PTPRK: variants seen among roughly 807,000 people sequenced by gnomAD.
PTPRK encodes protein tyrosine phosphatase receptor type K, also known as receptor-type tyrosine-protein phosphatase kappa.
Under a neutral mutation model 178.0 loss-of-function variants are expected in PTPRK, and 75 were observed. The ratio of observed to expected loss-of-function variants is 0.42; its 90% CI spans 0.35 to 0.51. The LOEUF is 0.51. Among genes scored for constraint, PTPRK ranks in the 20% least tolerant of loss-of-function variants. The pLI is 0.02. For synonymous variants in PTPRK, 637 were observed against 620.6 expected, an observed-to-expected ratio of 1.03 and a Z score of -0.39; for missense variants, 1,441 against 1,797.8, an observed-to-expected ratio of 0.80 and a Z score of 3.59.
chr6:128,128,631 C>T (rs1247526750), intron 7 of PTPRK, among the ~76,000 whole-genome samples: 2 of 152,202 alleles, frequency 1.3e-5, no homozygotes, highest in Non-Finnish European at 2.9e-5. Context: ...TCTGGTGAAC[C>T]TCCTCTGGAT....
chr6:128,148,237 A>G (rs1796766704), intron 7 of PTPRK, among the ~76,000 whole-genome samples: 1 of 152,156 alleles, frequency 6.6e-6, no homozygotes, highest in Non-Finnish European at 1.5e-5. Context: ...ATTTGGTACC[A>G]GAAGGATGAG....
At chr6:128,245,590 A>G (rs1053718746) in intron 3 of PTPRK, among the ~76,000 whole-genome samples, 3 of 152,186 alleles carry the variant, frequency 2.0e-5, no homozygotes, top group Non-Finnish European at 4.4e-5. Flanking sequence ...AATTGATTTT[A>G]CTGGAATAAG....
At chr6:128,135,920 A>ATAAGATGT (rs1194902615) in intron 7 of PTPRK, among the ~76,000 whole-genome samples, 6 of 152,182 alleles carry the variant, frequency 3.9e-5, no homozygotes, top group Admixed American at 1.3e-4. Context: ...ATACCAATGA[A>ATAAGATGT]TAAGATGTTA....
At chr6:128,313,942 C>G (rs1827622429) in intron 3 of PTPRK, among the ~76,000 whole-genome samples, 1 of 152,144 alleles carries the variant, frequency 6.6e-6, no homozygotes, top group Non-Finnish European at 1.5e-5. Flanking sequence ...ATTCTTTCCT[C>G]AGATTGCAAA....
Position 128,494,236 on chromosome 6 carries a change from G to C in PTPRK, c.100+26023C>G, listed in dbSNP as rs142723801. Reference sequence around the variant, plus strand: ...AAAAAAAAAAAAAGTGTAGTTACTTGAACCTGCTAATTGATAAATTTTAAT... The same window carrying C: ...AAAAAAAAAAAAAGTGTAGTTACTTCAACCTGCTAATTGATAAATTTTAAT... On this transcript the variant is annotated intron_variant, in intron 1 of 29. Coordinates refer to ENST00000368226, the MANE Select transcript of PTPRK (RefSeq NM_002844.4). Among the ~76,000 whole-genome samples, 19 of 144,410 alleles carry C rather than the reference G, an allele frequency of 1.3e-4. No individual in the cohort carries two copies. The East Asian group carries it at 2.7e-3, about 20-fold the overall frequency. 94.7% of individuals were successfully genotyped at this position (144,410 alleles called of 152,430 possible).
chr6:127,995,928 T>G lies in PTPRK; in HGVS notation c.2768-390A>C, dbSNP rs1466999015. Among the ~76,000 whole-genome samples, 4 of 152,258 alleles carry G rather than the reference T, an allele frequency of 2.6e-5. No homozygotes were observed. In the East Asian group the frequency reaches 7.7e-4, roughly 29 times the overall value. ...GCAAATGAGCCACAGAATTAAAAAG[T>G]GAATTTTGAATTCCCGCTCTCAGTT... On this transcript the variant is annotated intron_variant, in intron 17 of 29. Transcript: ENST00000368226.
At chr6:128,402,997 A>C (rs1183407726) in intron 1 of PTPRK, among the ~76,000 whole-genome samples, 3 of 152,208 alleles carry the variant, frequency 2.0e-5, no homozygotes, top group African/African-American at 7.2e-5. Flanking sequence ...TCCTTCATTA[A>C]GGAAAAACAA....
intron 1 of PTPRK, among the ~76,000 whole-genome samples, chr6:128,407,001 G>A (rs1458924105): frequency 1.3e-5 from 2 of 152,192 alleles, no homozygotes; most frequent in East Asian, 3.9e-4. Context: ...AGGTTTGTGT[G>A]TGTGTGTTCA....
At chr6:128,059,251 G>C (rs539584833) in intron 13 of PTPRK, among the ~76,000 whole-genome samples, 1 of 152,076 alleles carries the variant, frequency 6.6e-6, no homozygotes, top group South Asian at 2.1e-4. Flanking sequence ...CACCAATATT[G>C]AATCTTCTAA....
At chr6:128,274,537 A>C (rs1820416190) in intron 3 of PTPRK, among the ~76,000 whole-genome samples, 1 of 152,134 alleles carries the variant, frequency 6.6e-6, no homozygotes, top group Admixed American at 6.6e-5. Context: ...TCATGAATTA[A>C]ATTTAAAATT....
Position 127,969,827 on chromosome 6 carries a change from C to T in PTPRK, c.*400G>A, listed in dbSNP as rs1773718952. The T allele has an allele frequency of 6.5e-6, 1 of 153,998 alleles. No homozygotes were observed. The highest frequency in any genetic ancestry group is 2.1e-4 in the South Asian group (1 of 4,850). 9.5% of individuals were successfully genotyped at this position (153,998 alleles called of 1,614,324 possible). Reference sequence around the variant, plus strand: ...TTGCACAGCTTTTCTTTTCTTCTTCCTTTTAAGATTCATCAGCTTTCATTT... The same window carrying T: ...TTGCACAGCTTTTCTTTTCTTCTTCTTTTTAAGATTCATCAGCTTTCATTT... On this transcript the variant is annotated 3_prime_UTR_variant, in exon 30 of 30. Transcript: ENST00000368226.
At chr6:128,135,097 C>T (rs1794828913) in intron 7 of PTPRK, among the ~76,000 whole-genome samples, 2 of 152,026 alleles carry the variant, frequency 1.3e-5, no homozygotes, top group African/African-American at 4.8e-5. Context: ...CACACACACA[C>T]ACACACACAC....
At chr6:128,278,850 A>T (rs1821224976) in intron 3 of PTPRK, among the ~76,000 whole-genome samples, 1 of 152,196 alleles carries the variant, frequency 6.6e-6, no homozygotes. Flanking sequence ...TGTATTAGAG[A>T]CAATGTTCAA....
At chr6:128,203,572 C>T (rs1246924516) in intron 6 of PTPRK, among the ~76,000 whole-genome samples, 2 of 152,316 alleles carry the variant, frequency 1.3e-5, no homozygotes, top group South Asian at 4.1e-4. Flanking sequence ...TAAGCAACTT[C>T]AGCAAAGTCT....
intron 3 of PTPRK, among the ~76,000 whole-genome samples, chr6:128,271,267 A>C (rs575622534): frequency 1.3e-5 from 2 of 152,232 alleles, no homozygotes; most frequent in African/African-American, 4.8e-5. Flanking sequence ...AAAGCAAAGG[A>C]AACATGGTAG....
intron 1 of PTPRK, among the ~76,000 whole-genome samples, chr6:128,437,229 T>C (rs1404604396): frequency 1.3e-5 from 2 of 152,166 alleles, no homozygotes; most frequent in African/African-American, 4.8e-5. Flanking sequence ...ATTCTTAGTT[T>C]GAGAATAGGT....
At chr6:128,004,365 G>A (rs1778186014) in intron 15 of PTPRK, among the ~76,000 whole-genome samples, 1 of 151,756 alleles carries the variant, frequency 6.6e-6, no homozygotes, top group Non-Finnish European at 1.5e-5. Context: ...TATGAAATTT[G>A]AAAATAAACA....
chr6:128,496,706 A>G (rs1237040241), intron 1 of PTPRK, among the ~76,000 whole-genome samples: 1 of 152,178 alleles, frequency 6.6e-6, no homozygotes, highest in Non-Finnish European at 1.5e-5. Context: ...AAGATTTATT[A>G]TCTTCTAAAC....
At chr6:128,195,833 A>G (rs1010737599) in intron 6 of PTPRK, among the ~76,000 whole-genome samples, 1 of 152,170 alleles carries the variant, frequency 6.6e-6, no homozygotes, top group Non-Finnish European at 1.5e-5. Flanking sequence ...ATATAGATCC[A>G]ACTAAGTTTT....
Sources: gnomAD v4.1 joint callset for allele counts (sites outside exome capture counted in the v4.1 genomes callset) on GRCh38, gnomAD v4.1.1 for gene constraint, MANE v1.5 for transcripts, NCBI Gene and HGNC (gene_info 2026-07-23, HGNC 2026-07-21) for gene names.